Variants in TMEM71 observed in about 807,000 individuals in gnomAD.
TMEM71 encodes the protein transmembrane protein 71.
In TMEM71, 44 loss-of-function variants were observed where a neutral mutation model predicts 38.0. The observed-to-expected ratio is 1.16, with a 90% confidence interval of 0.91 to 1.49. TMEM71 has a LOEUF of 1.49. Among genes scored for constraint, TMEM71 ranks in the 40% most tolerant of loss-of-function variants. The pLI, the probability that TMEM71 is intolerant of heterozygous loss-of-function variation, is 0.00. For synonymous variants in TMEM71, 133 were observed against 122.5 expected (o/e 1.09, Z -0.56); for missense variants, 367 against 348.6 (o/e 1.05, Z -0.42).
intron 4 of TMEM71, among the ~76,000 whole-genome samples, chr8:132,748,868 T>C (rs888016834): frequency 6.6e-6 from 1 of 152,200 alleles, no homozygotes; most frequent in African/African-American, 2.4e-5. Flanking sequence ...GCTGGAATCC[T>C]ATTTCCACCT....
intron 7 of TMEM71, among the ~76,000 whole-genome samples, chr8:132,717,652 T>C (rs1826606718): frequency 1.3e-5 from 2 of 152,162 alleles, no homozygotes; most frequent in Non-Finnish European, 2.9e-5. Context: ...GGTGGGAGTG[T>C]AAGATGGTGC....
rs1563740004 is a variant in TMEM71, at chr8:132,710,854, A to C, written c.*113T>G. On this transcript the variant is annotated 3_prime_UTR_variant, in exon 10 of 10. Transcript: ENST00000677595. ...GTCAAACTAAAATGGCTTTTTCTCC[A>C]TTACTCGCTTACTCCCTTCCAATAA... 2.1e-6 allele frequency: 2 copies of C among 970,856 alleles called. No individual in the cohort carries two copies. Among genetic ancestry groups the C allele is most frequent in the African/African-American group, 3.4e-5 (2 of 59,114 alleles). The allele number at this position is 970,856 out of a possible 1,614,324, so 60.1% of individuals were successfully genotyped here.
At chr8:132,751,051 A>G (rs1463363565) in intron 4 of TMEM71, among the ~76,000 whole-genome samples, 1 of 152,010 alleles carries the variant, frequency 6.6e-6, no homozygotes, top group Non-Finnish European at 1.5e-5. Context: ...CCAACTACCC[A>G]TCCTTTCCAT....
chr8:132,775,461 A>C, the TMEM71 span: 1 of 381,684 alleles, frequency 2.6e-6, no homozygotes. Flanking sequence ...GAGGGCTCGG[A>C]CCCAGCTCCC....
At chr8:132,708,390 A>C (rs1245157372), downstream of TMEM71, among the ~76,000 whole-genome samples, 1 of 152,226 alleles carries the variant, frequency 6.6e-6, no homozygotes, top group African/African-American at 2.4e-5. Context: ...ACATGTCCTA[A>C]AGTCATTTTG....
chr8:132,728,104 T>C, intron 5 of TMEM71, 118 bp from the exon 6 acceptor site: 1 of 725,124 alleles, frequency 1.4e-6, no homozygotes, highest in Non-Finnish European at 2.2e-6. Flanking sequence ...ATAGTAATAT[T>C]GATACGGTAT....
chr8:132,713,328 A>T (rs1334201703), intron 9 of TMEM71, among the ~76,000 whole-genome samples: 1 of 152,100 alleles, frequency 6.6e-6, no homozygotes, highest in Non-Finnish European at 1.5e-5. Flanking sequence ...AATCCTAACC[A>T]AAATAAATTT....
chr8:132,733,950 T>C (rs1029084775), intron 5 of TMEM71, among the ~76,000 whole-genome samples: 16 of 151,912 alleles, frequency 1.1e-4, no homozygotes, highest in Non-Finnish European at 4.4e-5. Flanking sequence ...GTAGCCAAAA[T>C]AGTCAAACTC....
At chr8:132,729,634 A>C (rs1355018509) in intron 5 of TMEM71, among the ~76,000 whole-genome samples, 1 of 152,232 alleles carries the variant, frequency 6.6e-6, no homozygotes, top group Non-Finnish European at 1.5e-5. Flanking sequence ...AAGCCAGGGA[A>C]ACCTATAACT....
intron 1 of TMEM71, chr8:132,759,412 G>T (rs2553605): frequency 0.48 from 39,867 of 83,244 alleles, 5,924 homozygotes; most frequent in East Asian, 0.6. Context: ...TAGTCACAGA[G>T]AGTGATTTTA....
intron 5 of TMEM71, among the ~76,000 whole-genome samples, chr8:132,744,627 A>T (rs1448430030): frequency 6.6e-6 from 1 of 152,210 alleles, no homozygotes; most frequent in Non-Finnish European, 1.5e-5. Flanking sequence ...CTACAAATTC[A>T]AACTATTCCT....
chr8:132,726,404 A>C (rs1827144766), intron 6 of TMEM71, among the ~76,000 whole-genome samples: 1 of 152,188 alleles, frequency 6.6e-6, no homozygotes, highest in Non-Finnish European at 1.5e-5. Context: ...ATAAACAGAA[A>C]ATATTTTTTC....
intron 6 of TMEM71, 37 bp downstream of exon 6, chr8:132,727,761 T>C: frequency 6.6e-7 from 1 of 1,522,932 alleles, no homozygotes; most frequent in Non-Finnish European, 8.9e-7. Context: ...GGAAGAATTC[T>C]TTGGGTGTGG....
chr8:132,738,514 C>G (rs1458144686), intron 5 of TMEM71, among the ~76,000 whole-genome samples: 1 of 152,178 alleles, frequency 6.6e-6, no homozygotes, highest in Non-Finnish European at 1.5e-5. Context: ...TGCCTCAGAG[C>G]TCCCATCCAA....
intron 5 of TMEM71, among the ~76,000 whole-genome samples, chr8:132,741,882 A>T (rs1252878790): frequency 1.3e-5 from 2 of 151,778 alleles, no homozygotes; most frequent in East Asian, 1.9e-4. Flanking sequence ...GGAAAAGGAG[A>T]CTCCCTTTCC....
downstream of TMEM71, among the ~76,000 whole-genome samples, chr8:132,709,018 C>T (rs147587033): frequency 2.0e-5 from 3 of 152,242 alleles, no homozygotes; most frequent in African/African-American, 4.8e-5. Flanking sequence ...CCATAGTAAG[C>T]TTATACAGCC....
chr8:132,730,899 TTG>T (rs1256142142), intron 5 of TMEM71, among the ~76,000 whole-genome samples: 1 of 151,988 alleles, frequency 6.6e-6, no homozygotes, highest in African/African-American at 2.4e-5. Flanking sequence ...ATGTGTGTGT[TTG>T]TGTGTGTGTG....
chr8:132,733,357 T>C (rs932410578), intron 5 of TMEM71, among the ~76,000 whole-genome samples: 2 of 152,280 alleles, frequency 1.3e-5, no homozygotes, highest in South Asian at 2.1e-4. Flanking sequence ...AAATCTAACG[T>C]AGGCCTGTTA....
chr8:132,758,771 C>T, intron 2 of TMEM71, 69 bp downstream of exon 2: 1 of 1,406,614 alleles, frequency 7.1e-7, no homozygotes, highest in South Asian at 1.2e-5. Context: ...AAAATCAAAG[C>T]AAGGAAATTG....
Sources: allele counts gnomAD v4.1 joint callset (sites outside exome capture counted in the v4.1 genomes callset), GRCh38; gene constraint gnomAD v4.1.1; transcripts MANE v1.5; gene names NCBI Gene and HGNC (gene_info 2026-07-23, HGNC 2026-07-21).